HS6ST2: variants seen among roughly 807,000 people sequenced by gnomAD.
HS6ST2 encodes the protein heparan sulfate 6-O-sulfotransferase 2.
In HS6ST2, 17 loss-of-function variants were observed where a neutral mutation model predicts 33.0. That is an observed-to-expected ratio of 0.52 (90% confidence interval 0.35 to 0.77). The LOEUF (loss-of-function observed/expected upper bound fraction) is 0.77, where lower values mean the gene tolerates loss of function less well. HS6ST2 is among the 30% of genes least tolerant of loss of function. The pLI, the probability that HS6ST2 is intolerant of heterozygous loss-of-function variation, is 0.01. For missense variants in HS6ST2, 519 were observed against 551.7 expected (o/e 0.94, Z 0.59); for synonymous variants, 248 against 237.1 (o/e 1.05, Z -0.42).
At position 132,817,554 on chromosome X, in the gene HS6ST2, G is replaced by A. The variant is rs573809045; in HGVS notation, c.948-109060C>T. Among the ~76,000 whole-genome samples the A allele has an allele frequency of 1.1e-4, 12 of 111,613 alleles. No individual in the cohort carries two copies. The East Asian group carries it at 1.1e-3, about 10-fold the overall frequency. ...TTGACCATGTTGATTCTTTTCATTC[G>A]TCCAGCCAAGACTTACGGAGTCACA... On this transcript the variant is annotated intron_variant, in intron 2 of 4. Coordinates refer to ENST00000370833, the MANE Select transcript of HS6ST2 (RefSeq NM_001394073.1).
chrX:132,944,847 A>T (rs1483253019), intron 2 of HS6ST2, among the ~76,000 whole-genome samples: 1 of 110,922 alleles, frequency 9.0e-6, no homozygotes, highest in African/African-American at 3.3e-5. Flanking sequence ...TTATACAAAA[A>T]TTAATTCAAG....
chrX:132,906,262 TTAA>T (rs1332266965), intron 2 of HS6ST2, among the ~76,000 whole-genome samples: 1 of 112,411 alleles, frequency 8.9e-6, no homozygotes, highest in African/African-American at 3.2e-5. Flanking sequence ...TCCTAAACAC[TTAA>T]TGTTTTTTGG....
intron 2 of HS6ST2, among the ~76,000 whole-genome samples, chrX:132,945,635 G>C (rs1489738004): frequency 2.7e-5 from 3 of 110,320 alleles, no homozygotes; most frequent in Non-Finnish European, 5.7e-5. Flanking sequence ...ACTGGATTAA[G>C]AAAATGTGGC....
intron 3 of HS6ST2, among the ~76,000 whole-genome samples, chrX:132,703,662 A>G (rs1368471683): frequency 1.8e-5 from 2 of 112,467 alleles, no homozygotes; most frequent in Non-Finnish European, 3.8e-5. Context: ...TTAGGGTTAG[A>G]CATAATCATT....
At chrX:132,774,063 G>C (rs1472449993) in intron 2 of HS6ST2, among the ~76,000 whole-genome samples, 1 of 112,627 alleles carries the variant, frequency 8.9e-6, no homozygotes, top group African/African-American at 3.2e-5. Flanking sequence ...AATAATGTCT[G>C]TGTCAAAAAT....
chrX:132,754,696 G>A (rs143454552), intron 2 of HS6ST2, among the ~76,000 whole-genome samples: 232 of 109,056 alleles, frequency 2.1e-3, no homozygotes, highest in Non-Finnish European at 3.8e-3. Context: ...GATTACAGAT[G>A]TGAGCCACCA....
intron 2 of HS6ST2, among the ~76,000 whole-genome samples, chrX:132,819,830 A>G (rs930351027): frequency 1.8e-5 from 2 of 112,457 alleles, no homozygotes; most frequent in Admixed American, 9.4e-5. Flanking sequence ...ATATGATAGC[A>G]TGAGTCCTTA....
intron 3 of HS6ST2, among the ~76,000 whole-genome samples, chrX:132,670,540 C>G (rs769683747): frequency 2.7e-5 from 3 of 112,306 alleles, no homozygotes; most frequent in Non-Finnish European, 5.6e-5. Flanking sequence ...TGGCTCATGC[C>G]TGTAATCCCA....
At chrX:132,672,022 C>T (rs1261228196) in intron 3 of HS6ST2, among the ~76,000 whole-genome samples, 1 of 111,629 alleles carries the variant, frequency 9.0e-6, no homozygotes, top group Non-Finnish European at 1.9e-5. Flanking sequence ...TTAGATAAGC[C>T]TGGGCAAGAT....
intron 3 of HS6ST2, among the ~76,000 whole-genome samples, chrX:132,689,293 CTGCT>C (rs748039760): frequency 1.2e-4 from 14 of 112,398 alleles, no homozygotes; most frequent in South Asian, 7.4e-4. Flanking sequence ...GTACAAACAA[CTGCT>C]TGTCTCCACA....
chrX:132,637,193 A>G (rs948402091), intron 4 of HS6ST2, among the ~76,000 whole-genome samples: 1 of 112,342 alleles, frequency 8.9e-6, no homozygotes, highest in African/African-American at 3.2e-5. Flanking sequence ...TCTCAGGTCC[A>G]CTCACTGAAT....
At position 132,643,499 on chromosome X, in the gene HS6ST2, T is replaced by C. The variant is rs915555997; in HGVS notation, c.1068-14406A>G. ...AGATGAAAGTGACAAACTCATATTT[T>C]TCATAGAGTAGATGGTTTGGCAGAC... On this transcript the variant is annotated intron_variant, in intron 4 of 4. Coordinates refer to ENST00000370833, the MANE Select transcript of HS6ST2 (RefSeq NM_001394073.1). Among the ~76,000 whole-genome samples, 3 of 112,007 alleles carry C rather than the reference T, an allele frequency of 2.7e-5. No individual in the cohort carries two copies. The Admixed American group carries it at 2.8e-4, about 11-fold the overall frequency.
intron 2 of HS6ST2, among the ~76,000 whole-genome samples, chrX:132,955,782 T>C (rs2067062753): frequency 8.9e-6 from 1 of 112,578 alleles, no homozygotes; most frequent in Non-Finnish European, 1.9e-5. Flanking sequence ...CAGTACTGCA[T>C]GACCTCTAGC....
chrX:132,763,544 C>T (rs1217774540), intron 2 of HS6ST2, among the ~76,000 whole-genome samples: 1 of 112,384 alleles, frequency 8.9e-6, no homozygotes, highest in Non-Finnish European at 1.9e-5. Context: ...TCAAACCCCT[C>T]CATGTCCCAC....
rs145703614 is a variant in HS6ST2, at chrX:132,716,788, G to A, written c.948-8294C>T. On this transcript the variant is annotated intron_variant, in intron 2 of 4. Transcript: ENST00000370833. Reference sequence around the variant, plus strand: ...GTAAGTATATATATGTGTACTGGGAGTTATTTTATCCCATTTCATTTCCAT... The same window carrying A: ...GTAAGTATATATATGTGTACTGGGAATTATTTTATCCCATTTCATTTCCAT... 5.0e-3 allele frequency among the ~76,000 whole-genome samples: 564 copies of A among 112,404 alleles called. 3 individuals carry two copies. The highest frequency in any genetic ancestry group is 0.017 in the African/African-American group (528 of 30,995).
intron 2 of HS6ST2, among the ~76,000 whole-genome samples, chrX:132,837,051 G>A (rs902433808): frequency 3.6e-5 from 4 of 112,062 alleles, no homozygotes; most frequent in Admixed American, 9.4e-5. Flanking sequence ...TACTTGAGCC[G>A]TGAGGTGGAG....
intron 2 of HS6ST2, among the ~76,000 whole-genome samples, chrX:132,815,961 C>A (rs2065390823): frequency 9.0e-6 from 1 of 111,657 alleles, no homozygotes; most frequent in Non-Finnish European, 1.9e-5. Flanking sequence ...AATCACTGAA[C>A]TGTACATTTT....
At chrX:132,868,554 A>G (rs2066018714) in intron 2 of HS6ST2, among the ~76,000 whole-genome samples, 1 of 112,180 alleles carries the variant, frequency 8.9e-6, no homozygotes, top group African/African-American at 3.2e-5. Context: ...AGCAAATGCA[A>G]AAGAACAGAA....
intron 2 of HS6ST2, among the ~76,000 whole-genome samples, chrX:132,920,076 G>A (rs1274554705): frequency 9.0e-6 from 1 of 111,725 alleles, no homozygotes; most frequent in Non-Finnish European, 1.9e-5. Flanking sequence ...CACTCCAGCA[G>A]TGGGAGGTAG....
Sources: allele counts gnomAD v4.1 joint callset (sites outside exome capture counted in the v4.1 genomes callset), GRCh38; gene constraint gnomAD v4.1.1; transcripts MANE v1.5; gene names NCBI Gene and HGNC (gene_info 2026-07-23, HGNC 2026-07-21).